Variants in HYDIN observed in about 807,000 individuals in gnomAD.
HYDIN encodes the protein HYDIN axonemal central pair apparatus protein, also known as axonemal central pair apparatus protein HYDIN.
A neutral mutation model predicts 403.9 loss-of-function variants in HYDIN; 132 were observed. That is an observed-to-expected ratio of 0.33 (90% CI 0.28 to 0.38). HYDIN has a LOEUF of 0.38. Among genes scored for constraint, HYDIN ranks in the 10% least tolerant of loss-of-function variants. The pLI, the probability that HYDIN is intolerant of heterozygous loss-of-function variation, is 1.00. For missense variants in HYDIN, 2,827 were observed against 5,009.5 expected (o/e 0.56, Z 13.15); for synonymous variants, 1,202 against 1,891.7 (o/e 0.64, Z 9.46).
intron 6 of HYDIN, among the ~76,000 whole-genome samples, chr16:71,161,401 G>C (rs1004995047): frequency 6.6e-6 from 1 of 152,220 alleles, no homozygotes; most frequent in Non-Finnish European, 1.5e-5. Context: ...GACTGGACCG[G>C]TACCAGTTCA....
chr16:71,005,217 AAT>A (rs1343844254), intron 23 of HYDIN, among the ~76,000 whole-genome samples: 1 of 152,132 alleles, frequency 6.6e-6, no homozygotes, highest in Non-Finnish European at 1.5e-5. Context: ...AATTGTCTAT[AAT>A]AGAGTTGTTT....
At chr16:70,837,512 T>C (rs1328189310) in intron 77 of HYDIN, among the ~76,000 whole-genome samples, 178 bp downstream of exon 77, 3 of 152,040 alleles carry the variant, frequency 2.0e-5, no homozygotes, top group African/African-American at 7.3e-5. Flanking sequence ...GATCTGGTGA[T>C]TTGCCCCTTT....
intron 23 of HYDIN, among the ~76,000 whole-genome samples, chr16:71,010,443 G>A (rs1319593121): frequency 6.6e-6 from 1 of 152,086 alleles, no homozygotes; most frequent in Non-Finnish European, 1.5e-5. Flanking sequence ...GATTGTGGGA[G>A]AAAATATCTC....
At chr16:71,152,188 T>C (rs58515997) in intron 7 of HYDIN, among the ~76,000 whole-genome samples, 7,433 of 150,968 alleles carry the variant, frequency 0.049, 547 homozygotes, top group African/African-American at 0.17. Flanking sequence ...GGACACCAGT[T>C]AGGGGGATTT....
At position 70,804,644 on chromosome 16, in the gene HYDIN, G is replaced by A. The variant is rs1435351093; in HGVS notation, c.*2936C>T. 2.0e-5 allele frequency among the ~76,000 whole-genome samples: 3 copies of A among 152,192 alleles called. No individual in the cohort carries two copies. The highest frequency in any genetic ancestry group is 2.9e-5 in the Non-Finnish European group (2 of 68,040). On this transcript the variant is annotated 3_prime_UTR_variant, in exon 86 of 86. Transcript: ENST00000393567. ...AACGGAAAACTTAACGTTTCCTAATGTTCAAGTTGTTATCTCCAGAGCATT... is the reference window on the plus strand; with the variant it reads ...AACGGAAAACTTAACGTTTCCTAATATTCAAGTTGTTATCTCCAGAGCATT...
At chr16:70,820,100 T>G (rs2036140016) in intron 83 of HYDIN, among the ~76,000 whole-genome samples, 1 of 149,220 alleles carries the variant, frequency 6.7e-6, no homozygotes, top group African/African-American at 2.5e-5. Context: ...GTTTACAGGC[T>G]TGAGCCACCG....
chr16:71,214,992 T>G (rs950858965), intron 1 of HYDIN, among the ~76,000 whole-genome samples: 1 of 152,166 alleles, frequency 6.6e-6, no homozygotes, highest in African/African-American at 2.4e-5. Context: ...ACACTTATTA[T>G]AAAGCCAAGT....
chr16:71,188,722 G>A (rs899292154), intron 1 of HYDIN, among the ~76,000 whole-genome samples: 1 of 152,086 alleles, frequency 6.6e-6, no homozygotes, highest in Non-Finnish European at 1.5e-5. Flanking sequence ...CAAAAAATAA[G>A]TAAGACCATA....
intron 84 of HYDIN, 113 bp from the exon 85 acceptor site, chr16:70,810,120 T>G (rs1047502584): frequency 2.1e-6 from 2 of 946,260 alleles, no homozygotes; most frequent in Non-Finnish European, 3.3e-6. Context: ...GTGCACATGA[T>G]CATGCTGTTC....
chr16:71,055,015 G>C (rs1347443870), intron 18 of HYDIN, among the ~76,000 whole-genome samples: 1 of 152,412 alleles, frequency 6.6e-6, no homozygotes, highest in South Asian at 2.1e-4. Context: ...GTCATTTTCT[G>C]TACTTCAGAA....
intron 19 of HYDIN, among the ~76,000 whole-genome samples, chr16:71,030,849 T>C (rs1469097358): frequency 6.6e-6 from 1 of 152,054 alleles, no homozygotes; most frequent in Non-Finnish European, 1.5e-5. Flanking sequence ...GCAAAGCCAA[T>C]GGAAACCATC....
At chr16:70,843,289 G>T (rs1231652214) in intron 75 of HYDIN, among the ~76,000 whole-genome samples, 1 of 144,266 alleles carries the variant, frequency 6.9e-6, no homozygotes, top group Non-Finnish European at 1.5e-5. Flanking sequence ...GAGAATATGT[G>T]CTGTTTGGTT....
intron 18 of HYDIN, among the ~76,000 whole-genome samples, chr16:71,043,571 T>C (rs1163431244): frequency 6.6e-6 from 1 of 151,602 alleles, no homozygotes; most frequent in Non-Finnish European, 1.5e-5. Flanking sequence ...ATCTATGAGC[T>C]TACTTTTGTT....
chr16:70,905,664 G>T (rs1166796952), intron 50 of HYDIN, among the ~76,000 whole-genome samples: 1 of 140,304 alleles, frequency 7.1e-6, no homozygotes, highest in African/African-American at 2.7e-5. Context: ...GACAAGAAAA[G>T]AAAAGAATGA....
intron 5 of HYDIN, among the ~76,000 whole-genome samples, chr16:71,162,979 G>C (rs2086067132): frequency 6.6e-6 from 1 of 152,208 alleles, no homozygotes; most frequent in African/African-American, 2.4e-5. Context: ...GTGTCTGTCA[G>C]GCAATAGGGA....
At chr16:71,110,292 TAATA>T (rs1297918904) in intron 10 of HYDIN, among the ~76,000 whole-genome samples, 4 of 142,270 alleles carry the variant, frequency 2.8e-5, no homozygotes, top group South Asian at 2.1e-4. Flanking sequence ...ATAATAGATA[TAATA>T]AATATAATAA....
In HYDIN at chr16:70,885,023, G is replaced by A. The variant is rs149931180; in HGVS notation, c.9775-899C>T. On this transcript the variant is annotated intron_variant, in intron 58 of 85. Transcript: ENST00000393567. ...GACAGGACTTCATCTATCCGAGGCA[G>A]CTTTCTTGAGCCTTGGGGGACCAGC... Among the ~76,000 whole-genome samples, 624 of 152,332 alleles carry A rather than the reference G, an allele frequency of 4.1e-3. 3 individuals carry two copies. Among genetic ancestry groups the A allele is most frequent in the African/African-American group, 0.014 (595 of 41,558 alleles).
intron 1 of HYDIN, among the ~76,000 whole-genome samples, chr16:71,194,037 C>T (rs533873388): frequency 6.6e-6 from 1 of 152,276 alleles, no homozygotes; most frequent in Non-Finnish European, 1.5e-5. Context: ...TTTACACATG[C>T]GTTACAGTAG....
Position 70,892,366 on chromosome 16 carries a change from A to C in HYDIN, c.9412T>G (p.Cys3138Gly). Residue 3138 changes from cysteine to glycine, a missense_variant, in exon 56 of 86, where the codon TGT becomes GGT. Transcript: ENST00000393567. ...VKIEHQPVLR[C>G]QIIEPNISEG... is the part of the protein sequence containing the mutation. ...TCCCTTTGGAGCTCTCTTACCTGACAGCGCAGAACAGGCTGGTGCTCAATC... is the reference window on the plus strand; with the variant it reads ...TCCCTTTGGAGCTCTCTTACCTGACCGCGCAGAACAGGCTGGTGCTCAATC... 6.4e-7 allele frequency: 1 copy of C among 1,556,060 alleles called. No individual in the cohort carries two copies. Among genetic ancestry groups the C allele is most frequent in the Non-Finnish European group, 8.6e-7 (1 of 1,156,704 alleles).
Sources: allele counts gnomAD v4.1 joint callset (sites outside exome capture counted in the v4.1 genomes callset), GRCh38; gene constraint gnomAD v4.1.1; transcripts MANE v1.5; gene names NCBI Gene and HGNC (gene_info 2026-07-23, HGNC 2026-07-21).